TANC2: variants seen among roughly 807,000 people sequenced by gnomAD.
TANC2 encodes the protein protein TANC2.
In TANC2, 26 loss-of-function variants were observed where a neutral mutation model predicts 210.5. That is an observed-to-expected ratio of 0.12 (90% CI 0.09 to 0.17). TANC2 has a LOEUF of 0.17. Ranked by LOEUF, TANC2 falls within the 10% of genes least tolerant of loss-of-function variation. TANC2 has a pLI of 1.00. For synonymous variants in TANC2, 931 were observed against 967.1 expected (o/e 0.96, Z 0.69); for missense variants, 2,129 against 2,608.9 (o/e 0.82, Z 4.01).
intron 2 of TANC2, among the ~76,000 whole-genome samples, chr17:63,014,868 T>C (rs2034034834): frequency 6.6e-6 from 1 of 152,176 alleles, no homozygotes; most frequent in African/African-American, 2.4e-5. Context: ...AATTTAGAAT[T>C]ATTATAAAAA....
intron 5 of TANC2, among the ~76,000 whole-genome samples, chr17:63,162,517 G>C (rs115276888): frequency 7.2e-4 from 109 of 152,274 alleles, no homozygotes; most frequent in African/African-American, 2.5e-3. Flanking sequence ...CTCTGGTAGA[G>C]AGAGGAAATT....
At chr17:63,275,228 C>T (rs1320403081) in intron 9 of TANC2, among the ~76,000 whole-genome samples, 2 of 152,106 alleles carry the variant, frequency 1.3e-5, no homozygotes, top group African/African-American at 4.8e-5. Flanking sequence ...CTTCATTTCT[C>T]AATATATGGT....
intron 9 of TANC2, among the ~76,000 whole-genome samples, chr17:63,299,328 G>A (rs1318157167): frequency 6.6e-6 from 1 of 152,112 alleles, no homozygotes; most frequent in Non-Finnish European, 1.5e-5. Context: ...TTTGGGTCTA[G>A]ATCCTTGAGG....
intron 11 of TANC2, 131 bp from the exon 12 acceptor site, chr17:63,339,970 A>C: frequency 1.5e-6 from 1 of 673,742 alleles, no homozygotes; most frequent in Non-Finnish European, 2.5e-6. Context: ...TTGAGGAATG[A>C]AGAGACAAAA....
chr17:63,214,960 A>G (rs905934791), intron 7 of TANC2, among the ~76,000 whole-genome samples: 4 of 152,154 alleles, frequency 2.6e-5, no homozygotes, highest in African/African-American at 9.6e-5. Context: ...TAACCTCCCA[A>G]AAAGCCTTAG....
intron 4 of TANC2, among the ~76,000 whole-genome samples, chr17:63,099,884 ATATGAT>A (rs762173121): frequency 1.3e-5 from 2 of 152,202 alleles, no homozygotes; most frequent in Non-Finnish European, 2.9e-5. Context: ...GTTGACTTTA[ATATGAT>A]CTCACAATAT....
intron 19 of TANC2, among the ~76,000 whole-genome samples, chr17:63,403,220 T>G (rs2048395711): frequency 6.6e-6 from 1 of 152,254 alleles, no homozygotes; most frequent in Admixed American, 6.5e-5. Context: ...GGCTTCATTC[T>G]GAAATTCTGT....
rs57550590 is a variant in TANC2 at position 63,046,325 on chromosome 17, C to CTTTTTTTTTTTTTTTTT, written c.68-27610_68-27594dup. Among the ~76,000 whole-genome samples, 19 of 44,142 alleles carry CTTTTTTTTTTTTTTTTT rather than the reference C, an allele frequency of 4.3e-4. 6 individuals are homozygous for CTTTTTTTTTTTTTTTTT. The highest frequency in any genetic ancestry group is 1.5e-3 in the African/African-American group (13 of 8,536). The allele number at this position is 44,142 out of a possible 152,430, so 29.0% of individuals were successfully genotyped here. ...CAGGTGCGTGCCACCACACCCAGCT[C>CTTTTTTTTTTTTTTTTT]TTTTTTTTTTTTTTTTTTTTTTTTG... On this transcript the variant is annotated intron_variant, in intron 2 of 27. Transcript: ENST00000689528.
chr17:63,171,703 T>G (rs569859563), intron 5 of TANC2, among the ~76,000 whole-genome samples: 1 of 152,330 alleles, frequency 6.6e-6, no homozygotes, highest in South Asian at 2.1e-4. Flanking sequence ...GATTAATGTT[T>G]TATTAAAACT....
At chr17:62,987,847 A>G (rs1398611254) in intron 1 of TANC2, among the ~76,000 whole-genome samples, 2 of 152,150 alleles carry the variant, frequency 1.3e-5, no homozygotes, top group Non-Finnish European at 2.9e-5. Context: ...GGGGACGAGC[A>G]TTAGGTGTCT....
At chr17:63,246,463 A>G (rs1226630962) in intron 8 of TANC2, among the ~76,000 whole-genome samples, 2 of 152,114 alleles carry the variant, frequency 1.3e-5, no homozygotes, top group African/African-American at 4.8e-5. Flanking sequence ...TTCTGCATCT[A>G]TTTAACATTA....
intron 4 of TANC2, among the ~76,000 whole-genome samples, chr17:63,124,893 G>A (rs2038647174): frequency 6.6e-6 from 1 of 152,172 alleles, no homozygotes; most frequent in Non-Finnish European, 1.5e-5. Context: ...ATCTGAGGTG[G>A]AACAGTTACA....
At chr17:63,358,376 A>AGAGAGAGAGAGTGTGT (rs1470682571) in intron 14 of TANC2, among the ~76,000 whole-genome samples, 2 of 80,942 alleles carry the variant, frequency 2.5e-5, no homozygotes, top group African/African-American at 7.4e-5. Context: ...AGAGAGAGAG[A>AGAGAGAGAGAGTGTGT]GTATGTGTGT....
At position 63,351,432 on chromosome 17, in the gene TANC2, C is replaced by T; in HGVS notation, c.1974+16C>T. ...CAGTTTACAGGTATGTGTTTGTTTG[C>T]TTTTAAACCATAAATGATTCCTCTT... On this transcript the variant is annotated intron_variant, in intron 13 of 27. Transcript: ENST00000689528. 1 of 1,558,562 alleles carries T rather than the reference C, an allele frequency of 6.4e-7. No individual in the cohort carries two copies. Among genetic ancestry groups the T allele is most frequent in the Non-Finnish European group, 8.6e-7 (1 of 1,158,686 alleles).
intron 8 of TANC2, among the ~76,000 whole-genome samples, chr17:63,241,324 C>G (rs907962211): frequency 6.6e-5 from 10 of 152,108 alleles, no homozygotes; most frequent in Non-Finnish European, 1.2e-4. Context: ...TATTTGCTAA[C>G]AACTGGCAAT....
At chr17:63,053,945 A>G (rs977153929) in intron 2 of TANC2, among the ~76,000 whole-genome samples, 7 of 152,102 alleles carry the variant, frequency 4.6e-5, no homozygotes, top group African/African-American at 1.7e-4. Context: ...CTTATTCTGA[A>G]TTTTTGCAGT....
intron 4 of TANC2, among the ~76,000 whole-genome samples, chr17:63,101,134 T>C (rs1310630839): frequency 6.6e-6 from 1 of 152,210 alleles, no homozygotes. Context: ...GAAATTACTT[T>C]GAAATTCAAA....
chr17:63,146,883 A>C (rs1005082640), intron 4 of TANC2, among the ~76,000 whole-genome samples: 1 of 152,128 alleles, frequency 6.6e-6, no homozygotes, highest in South Asian at 2.1e-4. Context: ...CCAGGTGATC[A>C]TGGGAAGAAT....
chr17:63,389,667 A>G, intron 17 of TANC2, 123 bp downstream of exon 17: 1 of 953,810 alleles, frequency 1.0e-6, no homozygotes, highest in Non-Finnish European at 1.6e-6. Context: ...GATGGAGAGG[A>G]GATCAGAGAG....
Sources: gnomAD v4.1 joint callset for allele counts (sites outside exome capture counted in the v4.1 genomes callset) on GRCh38, gnomAD v4.1.1 for gene constraint, MANE v1.5 for transcripts, NCBI Gene and HGNC (gene_info 2026-07-23, HGNC 2026-07-21) for gene names.